Variants in MSI2 observed in about 807,000 individuals in gnomAD.
The protein encoded by MSI2 is RNA-binding protein Musashi homolog 2.
MSI2 carries 17 observed loss-of-function variants against 45.6 expected under a neutral mutation model. That is an observed-to-expected ratio of 0.37 (90% CI 0.26 to 0.56). The LOEUF (loss-of-function observed/expected upper bound fraction) is 0.56, where lower values mean the gene tolerates loss of function less well. Ranked by LOEUF, MSI2 falls within the 20% of genes least tolerant of loss-of-function variation. MSI2 has a pLI of 0.77. For missense variants in MSI2, 293 were observed against 444.2 expected, an observed-to-expected ratio of 0.66 and a Z score of 3.06; for synonymous variants, 156 against 158.2, an observed-to-expected ratio of 0.99 and a Z score of 0.11.
intron 6 of MSI2, among the ~76,000 whole-genome samples, chr17:57,511,646 TGTGTCACC>T (rs1033770043): frequency 2.0e-5 from 3 of 152,114 alleles, no homozygotes; most frequent in Admixed American, 6.5e-5. Flanking sequence ...TCTGGCCTGC[TGTGTCACC>T]GTGCACAGCA....
At chr17:57,526,100 C>G (rs560262103) in intron 6 of MSI2, among the ~76,000 whole-genome samples, 9 of 152,202 alleles carry the variant, frequency 5.9e-5, no homozygotes, top group African/African-American at 2.2e-4. Flanking sequence ...TGGTGCATGC[C>G]TGTAATCCCA....
intron 5 of MSI2, among the ~76,000 whole-genome samples, chr17:57,300,832 C>T (rs1911360421): frequency 6.6e-6 from 1 of 152,166 alleles, no homozygotes; most frequent in African/African-American, 2.4e-5. Context: ...TATTCACTAC[C>T]ACAAGAACAG....
intron 8 of MSI2, among the ~76,000 whole-genome samples, chr17:57,603,438 C>T (rs1015116115): frequency 6.6e-6 from 1 of 152,230 alleles, no homozygotes; most frequent in African/African-American, 2.4e-5. Context: ...AGTGCCCTAC[C>T]TGTCTGCACC....
At chr17:57,509,669 C>T (rs1241357828) in intron 6 of MSI2, among the ~76,000 whole-genome samples, 3 of 152,154 alleles carry the variant, frequency 2.0e-5, no homozygotes, top group Non-Finnish European at 2.9e-5. Flanking sequence ...GATGCACCCA[C>T]CTCGGCCTCC....
At chr17:57,333,603 A>T (rs1047898767) in intron 5 of MSI2, among the ~76,000 whole-genome samples, 2 of 151,954 alleles carry the variant, frequency 1.3e-5, no homozygotes, top group African/African-American at 4.8e-5. Flanking sequence ...ACACCTAGCT[A>T]ATATTTTTTT....
At position 57,681,821 on chromosome 17, in the gene MSI2, A is replaced by C. The variant is rs1913618268; in HGVS notation, c.*2304A>C. 1 of 182,928 alleles carries C rather than the reference A, an allele frequency of 5.5e-6. No homozygotes were observed. Among genetic ancestry groups the C allele is most frequent in the African/African-American group, 2.4e-5 (1 of 41,498 alleles). The allele number at this position is 182,928 out of a possible 1,614,324, so 11.3% of individuals were successfully genotyped here. On this transcript the variant is annotated 3_prime_UTR_variant, in exon 14 of 14. Transcript: ENST00000284073. ...AACAACAAAACATAAGTTTTATTTA[A>C]AAAAAAAAAAAGAAAGAAAAAATAG...
intron 6 of MSI2, among the ~76,000 whole-genome samples, chr17:57,499,942 C>CT (rs879874075): frequency 4.4e-4 from 64 of 146,662 alleles, no homozygotes; most frequent in Middle Eastern, 3.5e-3. Flanking sequence ...AGCGTGTTCA[C>CT]TTTTTTTTTT....
intron 6 of MSI2, among the ~76,000 whole-genome samples, chr17:57,491,993 C>T (rs187331182): frequency 7.4e-4 from 112 of 152,220 alleles, no homozygotes; most frequent in Non-Finnish European, 8.4e-4. Context: ...CCTGATACCA[C>T]CTAAATCAGT....
intron 6 of MSI2, among the ~76,000 whole-genome samples, chr17:57,456,620 A>T (rs1223817282): frequency 6.6e-6 from 1 of 151,756 alleles, no homozygotes; most frequent in Non-Finnish European, 1.5e-5. Flanking sequence ...AAGGAACACC[A>T]CAACTGACTT....
intron 7 of MSI2, among the ~76,000 whole-genome samples, chr17:57,585,544 A>G (rs2088322392): frequency 6.6e-6 from 1 of 152,214 alleles, no homozygotes; most frequent in South Asian, 2.1e-4. Context: ...CCAAAGTCTA[A>G]GCCCTTTTCC....
At position 57,406,839 on chromosome 17, in the gene MSI2, C is replaced by T. The variant is rs546832780; in HGVS notation, c.405+5368C>T. On this transcript the variant is annotated intron_variant, in intron 6 of 13. Coordinates refer to ENST00000284073, the MANE Select transcript of MSI2 (RefSeq NM_138962.4). ...TCCAATTCAGTGGGCTGCTACAATC[C>T]GGCCTTTATCACGGGCTGCTCTGGT... The T allele has an allele frequency of 5.9e-5, 9 of 152,366 alleles. No individual in the cohort carries two copies. The East Asian group carries it at 9.6e-4, about 16-fold the overall frequency. 9.4% of individuals were successfully genotyped at this position (152,366 alleles called of 1,614,324 possible).
At chr17:57,271,389 G>A (rs1273400686) in intron 5 of MSI2, among the ~76,000 whole-genome samples, 1 of 152,096 alleles carries the variant, frequency 6.6e-6, no homozygotes, top group African/African-American at 2.4e-5. Context: ...CCAAGGAGCG[G>A]GGGTGTCGGG....
Position 57,519,423 on chromosome 17 carries a change from TGCAC to T in MSI2, c.406-10251_406-10248del, listed in dbSNP as rs146321772. ...ACACACTGAGTATCCTTAGAGTCAC[TGCAC>T]GGGGCGGGGAGACTCGCATGGCTGA... On this transcript the variant is annotated intron_variant, in intron 6 of 13. Coordinates refer to ENST00000284073, the MANE Select transcript of MSI2 (RefSeq NM_138962.4). Among the ~76,000 whole-genome samples the T allele has an allele frequency of 4.6e-5, 7 of 152,226 alleles. No homozygotes were observed. The East Asian group carries it at 9.7e-4, about 21-fold the overall frequency.
At chr17:57,261,035 A>T (rs916018621) in intron 4 of MSI2, among the ~76,000 whole-genome samples, 2 of 152,264 alleles carry the variant, frequency 1.3e-5, no homozygotes, top group Non-Finnish European at 2.9e-5. Flanking sequence ...TAGCATGTTT[A>T]TACTATCTGT....
chr17:57,305,807 G>T (rs914552030), intron 5 of MSI2, among the ~76,000 whole-genome samples: 1 of 152,000 alleles, frequency 6.6e-6, no homozygotes, highest in African/African-American at 2.4e-5. Flanking sequence ...CTTTTCTTCC[G>T]CTTAATAATA....
intron 6 of MSI2, among the ~76,000 whole-genome samples, chr17:57,474,482 C>T (rs377590071): frequency 2.0e-5 from 3 of 152,082 alleles, no homozygotes; most frequent in Admixed American, 6.5e-5. Flanking sequence ...TAGGAAGTTG[C>T]GCAGCATCTC....
rs937125380 is a variant in MSI2 at position 57,627,668 on chromosome 17, C to G, written c.727+365C>G. 6.9e-6 allele frequency: 2 copies of G among 289,414 alleles called. No homozygotes were observed. Among genetic ancestry groups the G allele is most frequent in the African/African-American group, 2.2e-5 (1 of 45,210 alleles). The allele number at this position is 289,414 out of a possible 1,614,324, so 17.9% of individuals were successfully genotyped here. A position where few individuals can be genotyped will look rare whatever the true frequency, so the allele number is the denominator to read the frequency against. On this transcript the variant is annotated intron_variant, in intron 10 of 13. Transcript: ENST00000284073. This position sits in a 1 kb window ranked among gnomAD's most constrained non-coding sequence, Gnocchi z 4.6. ...CTTTCACCCTCTACCACCCCTTGCCCGCCTCCCCGCTCCCTGTGTCCACCT... is the reference window on the plus strand; with the variant it reads ...CTTTCACCCTCTACCACCCCTTGCCGGCCTCCCCGCTCCCTGTGTCCACCT...
chr17:57,690,909 C>T, the MSI2 span, among the ~76,000 whole-genome samples: 7 of 152,120 alleles, frequency 4.6e-5, no homozygotes, highest in Admixed American at 6.6e-5. Flanking sequence ...TTTATAGTTT[C>T]GCATTTTGCA....
At chr17:57,555,397 G>A (rs1261412889) in intron 7 of MSI2, among the ~76,000 whole-genome samples, 2 of 152,294 alleles carry the variant, frequency 1.3e-5, no homozygotes, top group African/African-American at 2.4e-5. Context: ...CTGCTCAGGC[G>A]CCTCAGTGTG....
Sources: gnomAD v4.1 joint callset for allele counts (sites outside exome capture counted in the v4.1 genomes callset) on GRCh38, gnomAD v4.1.1 for gene constraint, Gnocchi (gnomAD v3.1) non-coding constraint, MANE v1.5 for transcripts, NCBI Gene and HGNC (gene_info 2026-07-23, HGNC 2026-07-21) for gene names.